KCNN3: variants seen among roughly 807,000 people sequenced by gnomAD.
KCNN3 encodes the protein potassium calcium-activated channel subfamily N member 3, also known as small conductance calcium-activated potassium channel protein 3.
A neutral mutation model predicts 62.9 loss-of-function variants in KCNN3; 16 were observed. The observed-to-expected ratio is 0.25, with a 90% CI of 0.17 to 0.39. The LOEUF (loss-of-function observed/expected upper bound fraction) is 0.39, where lower values mean the gene tolerates loss of function less well. Among genes scored for constraint, KCNN3 ranks in the 10% least tolerant of loss-of-function variants. KCNN3 has a pLI of 1.00. For missense variants in KCNN3, 599 were observed against 949.4 expected, an observed-to-expected ratio of 0.63 and a Z score of 4.85; for synonymous variants, 370 against 389.2, an observed-to-expected ratio of 0.95 and a Z score of 0.58.
chr1:154,770,149 T>C (rs1049594458), intron 3 of KCNN3, among the ~76,000 whole-genome samples: 2 of 152,164 alleles, frequency 1.3e-5, no homozygotes, highest in Non-Finnish European at 2.9e-5. Context: ...AGAGCAGATG[T>C]TGCAATGTCA....
Position 154,862,274 on chromosome 1 carries a change from TG to T in KCNN3, c.933+6757del, listed in dbSNP as rs1245713287. Among the ~76,000 whole-genome samples the T allele has an allele frequency of 6.6e-6, 1 of 152,146 alleles. No homozygotes were observed. Among genetic ancestry groups the T allele is most frequent in the Non-Finnish European group, 1.5e-5 (1 of 68,008 alleles). ...CGAGTTTTCTCATCCCTGAGATAGTTGGTCATCATGAGCCCTGGGCCAGCCA... is the reference window on the plus strand; with the variant it reads ...CGAGTTTTCTCATCCCTGAGATAGTTGTCATCATGAGCCCTGGGCCAGCCA... On this transcript the variant is annotated intron_variant, in intron 1 of 7. Coordinates refer to ENST00000271915, the MANE Select transcript of KCNN3 (RefSeq NM_002249.6). The surrounding 1 kb of genome is among the most constrained non-coding windows in gnomAD (Gnocchi z 4.1).
chr1:154,714,249 G>C (rs1415934983), intron 6 of KCNN3, among the ~76,000 whole-genome samples: 3 of 110,402 alleles, frequency 2.7e-5, no homozygotes, highest in Admixed American at 9.6e-5. Context: ...CGGTGTGTAT[G>C]GTGTGTGTGA....
At chr1:154,712,339 C>T (rs1252166157) in intron 7 of KCNN3, among the ~76,000 whole-genome samples, 1 of 152,168 alleles carries the variant, frequency 6.6e-6, no homozygotes, top group Non-Finnish European at 1.5e-5. Flanking sequence ...GTTCCACTCC[C>T]ACCCCAGGCT....
chr1:154,837,668 T>G (rs1243849707), intron 1 of KCNN3, among the ~76,000 whole-genome samples: 1 of 152,178 alleles, frequency 6.6e-6, no homozygotes, highest in Non-Finnish European at 1.5e-5. Context: ...GAAGAGCCAG[T>G]CTGGGGCTCC....
rs955753473 is a variant in KCNN3, at chr1:154,704,262, C to A, written c.*3714G>T. 10 of 152,196 alleles carry A rather than the reference C, an allele frequency of 6.6e-5. No homozygotes were observed. The highest frequency in any genetic ancestry group is 2.2e-4 in the African/African-American group (9 of 41,424). 9.4% of individuals were successfully genotyped at this position (152,196 alleles called of 1,614,324 possible). On this transcript the variant is annotated 3_prime_UTR_variant, in exon 8 of 8. Coordinates refer to ENST00000271915, the MANE Select transcript of KCNN3 (RefSeq NM_002249.6). ...TCAGTGGTGACTTGGGGCCTTCCCC[C>A]CTTGTTCTTTTGGATTGTATTAAGC...
chr1:154,809,365 C>T lies in KCNN3; in HGVS notation c.1029+12724G>A, dbSNP rs924888111. ...CTCACAGAGCATGGCTCAATAAACACGTGTTCTATGAATGCAGAGCAGGCT... is the reference window on the plus strand; with the variant it reads ...CTCACAGAGCATGGCTCAATAAACATGTGTTCTATGAATGCAGAGCAGGCT... On this transcript the variant is annotated intron_variant, in intron 2 of 7. Transcript: ENST00000271915. The surrounding 1 kb of genome is among the most constrained non-coding windows in gnomAD (Gnocchi z 4.3). Among the ~76,000 whole-genome samples the T allele has an allele frequency of 6.6e-6, 1 of 152,006 alleles. No homozygotes were observed. The highest frequency in any genetic ancestry group is 1.5e-5 in the Non-Finnish European group (1 of 67,998).
intron 7 of KCNN3, among the ~76,000 whole-genome samples, chr1:154,711,262 A>G (rs1232164353): frequency 6.9e-6 from 1 of 145,468 alleles, no homozygotes. Flanking sequence ...CAAACACCGC[A>G]TGTTCTCACT....
At chr1:154,768,578 A>G (rs1042292069) in intron 3 of KCNN3, among the ~76,000 whole-genome samples, 1 of 152,214 alleles carries the variant, frequency 6.6e-6, no homozygotes, top group African/African-American at 2.4e-5. Flanking sequence ...GTGTCCTACT[A>G]GAAGCAAACG....
intron 1 of KCNN3, among the ~76,000 whole-genome samples, chr1:154,836,756 C>T (rs774115722): frequency 6.6e-6 from 1 of 152,218 alleles, no homozygotes; most frequent in Non-Finnish European, 1.5e-5. Context: ...GAAGGAAACT[C>T]GGCTGGAGCC....
intron 2 of KCNN3, among the ~76,000 whole-genome samples, chr1:154,776,846 G>A (rs1171085966): frequency 6.6e-6 from 1 of 152,192 alleles, no homozygotes; most frequent in Non-Finnish European, 1.5e-5. Context: ...GCCCACCCCA[G>A]GCCAAGTAAT....
intron 2 of KCNN3, among the ~76,000 whole-genome samples, chr1:154,808,180 T>C (rs1650259282): frequency 6.6e-6 from 1 of 152,154 alleles, no homozygotes; most frequent in Non-Finnish European, 1.5e-5. Context: ...TTCTCATAGA[T>C]AGAATGGGGC....
At position 154,705,842 on chromosome 1, in the gene KCNN3, A is replaced by T. The variant is rs1395107479; in HGVS notation, c.*2134T>A. The T allele has an allele frequency of 6.6e-6, 1 of 152,226 alleles. No homozygotes were observed. Among genetic ancestry groups the T allele is most frequent in the Non-Finnish European group, 1.5e-5 (1 of 68,038 alleles). 9.4% of individuals were successfully genotyped at this position (152,226 alleles called of 1,614,324 possible). A position where few individuals can be genotyped will look rare whatever the true frequency, so the allele number is the denominator to read the frequency against. ...ATTGGCACACTCAGATCAGCCCACC[A>T]GTGGTCTTCACTTTGTGAAATGGAA... is the stretch of plus-strand genomic sequence containing the variant. On this transcript the variant is annotated 3_prime_UTR_variant, in exon 8 of 8. Transcript: ENST00000271915.
rs374211965 is a variant in KCNN3, at chr1:154,755,503, G to GAAA, written c.1448+16471_1448+16472insTTT. 9.0e-3 allele frequency among the ~76,000 whole-genome samples: 787 copies of GAAA among 87,752 alleles called. 42 individuals carry two copies. Among genetic ancestry groups the GAAA allele is most frequent in the Middle Eastern group, 0.027 (5 of 182 alleles). The allele number at this position is 87,752 out of a possible 152,430, so 57.6% of individuals were successfully genotyped here. On this transcript the variant is annotated intron_variant, in intron 3 of 7. Transcript: ENST00000271915. ...AGGAAGGAAGAAAGGGAGAAAGAAA[G>GAAA]GAAGAAAGAAAGAAAGAAAGAAAGA... is the stretch of plus-strand genomic sequence containing the variant.
At chr1:154,826,046 T>TA (rs1199878091) in intron 1 of KCNN3, among the ~76,000 whole-genome samples, 29 of 86,170 alleles carry the variant, frequency 3.4e-4, no homozygotes, top group Admixed American at 1.7e-3. Flanking sequence ...GACTCCATCT[T>TA]AAAAAAAAAC....
intron 5 of KCNN3, among the ~76,000 whole-genome samples, chr1:154,722,104 C>G (rs1049654765): frequency 6.6e-6 from 1 of 152,064 alleles, no homozygotes; most frequent in Non-Finnish European, 1.5e-5. Flanking sequence ...AGTGCTGGCT[C>G]TCATGGCAAA....
chr1:154,758,828 G>A (rs199783091), intron 3 of KCNN3, among the ~76,000 whole-genome samples: 1 of 84,602 alleles, frequency 1.2e-5, no homozygotes, highest in South Asian at 3.9e-4. Flanking sequence ...TTGTTTTTGA[G>A]ATGGAGTCTT....
chr1:154,737,514 T>C (rs1054896236), intron 3 of KCNN3, among the ~76,000 whole-genome samples: 5 of 151,940 alleles, frequency 3.3e-5, no homozygotes, highest in Non-Finnish European at 7.4e-5. Context: ...GTCTCTAACA[T>C]GAAAGACACA....
chr1:154,798,956 A>G lies in KCNN3; in HGVS notation c.1029+23133T>C, dbSNP rs370009381. Among the ~76,000 whole-genome samples, 424 of 144,516 alleles carry G rather than the reference A, an allele frequency of 2.9e-3. 1 individual carries two copies. Among genetic ancestry groups the G allele is most frequent in the African/African-American group, 0.01 (396 of 38,552 alleles). 94.8% of individuals were successfully genotyped at this position (144,516 alleles called of 152,430 possible). A position where few individuals can be genotyped will look rare whatever the true frequency, so the allele number is the denominator to read the frequency against. ...TTTTTGAGACAGAGTCCACTCTGTC[A>G]CCCAGGCTGGAGTGCAGTGGCACAA... On this transcript the variant is annotated intron_variant, in intron 2 of 7. Transcript: ENST00000271915.
At chr1:154,770,287 C>T (rs1011201157) in intron 3 of KCNN3, among the ~76,000 whole-genome samples, 2 of 152,228 alleles carry the variant, frequency 1.3e-5, no homozygotes, top group Non-Finnish European at 2.9e-5. Context: ...AGCCTGAACC[C>T]TTGTTCTGCG....
Sources: allele counts gnomAD v4.1 joint callset (sites outside exome capture counted in the v4.1 genomes callset), GRCh38; gene constraint gnomAD v4.1.1; non-coding constraint Gnocchi (gnomAD v3.1); transcripts MANE v1.5; gene names NCBI Gene and HGNC (gene_info 2026-07-23, HGNC 2026-07-21).